Variants in PTPRT observed in about 807,000 individuals in gnomAD.
PTPRT encodes protein tyrosine phosphatase receptor type T, also known as receptor-type tyrosine-protein phosphatase T.
A neutral mutation model predicts 176.8 loss-of-function variants in PTPRT; 56 were observed. The observed-to-expected ratio is 0.32, with a 90% CI of 0.26 to 0.40. PTPRT has a LOEUF of 0.40. Among genes scored for constraint, PTPRT ranks in the 10% least tolerant of loss-of-function variants. The pLI, the probability that PTPRT is intolerant of heterozygous loss-of-function variation, is 1.00. For missense variants in PTPRT, 1,540 were observed against 1,908.2 expected (o/e 0.81, Z 3.60); for synonymous variants, 783 against 739.0 (o/e 1.06, Z -0.96).
At chr20:42,520,984 CTG>C (rs922721134) in intron 7 of PTPRT, among the ~76,000 whole-genome samples, 1 of 151,290 alleles carries the variant, frequency 6.6e-6, no homozygotes, top group Admixed American at 6.6e-5. Context: ...ATGTGACTAT[CTG>C]TCTGTCTGTC....
intron 7 of PTPRT, among the ~76,000 whole-genome samples, chr20:42,632,132 T>C (rs2074420248): frequency 6.6e-6 from 1 of 152,136 alleles, no homozygotes; most frequent in African/African-American, 2.4e-5. Flanking sequence ...TTGTTGGCAA[T>C]CCTTCCTATG....
At chr20:42,299,606 T>C (rs541644293) in intron 12 of PTPRT, among the ~76,000 whole-genome samples, 1 of 149,192 alleles carries the variant, frequency 6.7e-6, no homozygotes, top group African/African-American at 2.5e-5. Flanking sequence ...AACTCCTTGA[T>C]GTTGGACTAG....
At chr20:42,455,619 A>G (rs6065483) in intron 8 of PTPRT, among the ~76,000 whole-genome samples, 11,217 of 152,250 alleles carry the variant, frequency 0.074, 635 homozygotes, top group African/African-American at 0.14. Context: ...CAACTGTGTT[A>G]CTATGTATAA....
chr20:42,676,403 G>A (rs1202250579), intron 7 of PTPRT, among the ~76,000 whole-genome samples: 1 of 152,074 alleles, frequency 6.6e-6, no homozygotes, highest in Non-Finnish European at 1.5e-5. Context: ...TTTGTTCCAT[G>A]GTTCCTGTAC....
chr20:42,778,346 G>T (rs530317544), intron 4 of PTPRT, among the ~76,000 whole-genome samples: 2 of 152,170 alleles, frequency 1.3e-5, no homozygotes, highest in Non-Finnish European at 2.9e-5. Flanking sequence ...CAGGTGTCAA[G>T]GTTGGGCATC....
intron 11 of PTPRT, among the ~76,000 whole-genome samples, chr20:42,342,530 G>A (rs1479077048): frequency 6.6e-6 from 1 of 152,202 alleles, no homozygotes; most frequent in East Asian, 1.9e-4. Context: ...AATGAGGTTT[G>A]GAGAAAGAGT....
At chr20:42,422,395 G>A (rs1463534810) in intron 9 of PTPRT, among the ~76,000 whole-genome samples, 2 of 152,126 alleles carry the variant, frequency 1.3e-5, no homozygotes, top group East Asian at 1.9e-4. Flanking sequence ...CAAAAAATAT[G>A]AGCAGACACT....
intron 1 of PTPRT, among the ~76,000 whole-genome samples, chr20:43,106,666 G>GAAAAAAA (rs71193676): frequency 1.1e-5 from 1 of 86,998 alleles, no homozygotes; most frequent in Non-Finnish European, 2.0e-5. Context: ...CTCAAAAAAA[G>GAAAAAAA]AAAAAAAAAA....
intron 7 of PTPRT, among the ~76,000 whole-genome samples, chr20:42,620,316 G>A (rs560146413): frequency 6.0e-5 from 9 of 149,194 alleles, no homozygotes; most frequent in South Asian, 2.1e-4. Flanking sequence ...CTCCAGCTGC[G>A]TGCTGGGAGA....
intron 5 of PTPRT, among the ~76,000 whole-genome samples, chr20:42,768,489 T>G (rs187142283): frequency 6.7e-6 from 1 of 150,202 alleles, no homozygotes; most frequent in African/African-American, 2.4e-5. Context: ...GGCTTCTGTG[T>G]GAACAACAGG....
At chr20:43,155,558 C>G (rs932713163) in intron 1 of PTPRT, among the ~76,000 whole-genome samples, 1 of 151,974 alleles carries the variant, frequency 6.6e-6, no homozygotes, top group African/African-American at 2.4e-5. Flanking sequence ...GGATGGTGGC[C>G]AAAAGATACA....
chr20:42,036,080 TG>T, the PTPRT span, among the ~76,000 whole-genome samples: 1 of 152,148 alleles, frequency 6.6e-6, no homozygotes, highest in Non-Finnish European at 1.5e-5. Context: ...GCCTTCTGAG[TG>T]GTGGTGTTGA....
chr20:42,421,158 T>A (rs777287413), intron 9 of PTPRT, among the ~76,000 whole-genome samples: 10 of 152,112 alleles, frequency 6.6e-5, no homozygotes, highest in Non-Finnish European at 1.2e-4. Context: ...TTACCTCCCA[T>A]CTTTCTGAAA....
chr20:43,157,084 G>C (rs548361205), intron 1 of PTPRT, among the ~76,000 whole-genome samples: 12 of 152,244 alleles, frequency 7.9e-5, no homozygotes, highest in Admixed American at 5.2e-4. Context: ...GGGCACGGTG[G>C]CTCACTCCTA....
At chr20:42,610,090 G>C (rs1231117412) in intron 7 of PTPRT, among the ~76,000 whole-genome samples, 1 of 152,148 alleles carries the variant, frequency 6.6e-6, no homozygotes, top group Non-Finnish European at 1.5e-5. Context: ...TTCCTTCTCT[G>C]GAACACCAGC....
At chr20:42,442,895 G>A (rs1197338358) in intron 9 of PTPRT, among the ~76,000 whole-genome samples, 2 of 152,162 alleles carry the variant, frequency 1.3e-5, no homozygotes, top group Non-Finnish European at 2.9e-5. Context: ...GTCCGCAATT[G>A]CGACGGTCTG....
At chr20:42,208,278 A>C (rs1309124093) in intron 15 of PTPRT, among the ~76,000 whole-genome samples, 1 of 144,518 alleles carries the variant, frequency 6.9e-6, no homozygotes, top group African/African-American at 2.7e-5. Context: ...ACAGAATCAA[A>C]TTCACACATA....
chr20:43,163,367 G>A (rs757822763), intron 1 of PTPRT, among the ~76,000 whole-genome samples: 4 of 152,126 alleles, frequency 2.6e-5, no homozygotes, highest in Non-Finnish European at 5.9e-5. Context: ...GGCCAGGCGC[G>A]GTGGCTCGTG....
intron 27 of PTPRT, among the ~76,000 whole-genome samples, chr20:42,089,292 G>C (rs1984362932): frequency 6.6e-6 from 1 of 152,160 alleles, no homozygotes; most frequent in African/African-American, 2.4e-5. Flanking sequence ...ATAAGTCTAT[G>C]GTTGGTCAGA....
Sources: gnomAD v4.1 joint callset for allele counts (sites outside exome capture counted in the v4.1 genomes callset) on GRCh38, gnomAD v4.1.1 for gene constraint, MANE v1.5 for transcripts, NCBI Gene and HGNC (gene_info 2026-07-23, HGNC 2026-07-21) for gene names.